The following ADK variants were observed in gnomAD, a reference collection of about 807,000 sequenced individuals.
The protein encoded by ADK is adenosine kinase, also known as N6,N6-dimethyladenosine kinase.
Under a neutral mutation model 44.7 loss-of-function variants are expected in ADK, and 24 were observed. That is an observed-to-expected ratio of 0.54 (90% CI 0.39 to 0.76). ADK has a LOEUF of 0.76. ADK is among the 30% of genes least tolerant of loss of function. The pLI is 0.00. For missense variants in ADK, 321 were observed against 425.1 expected, an observed-to-expected ratio of 0.76 and a Z score of 2.15; for synonymous variants, 128 against 142.6, an observed-to-expected ratio of 0.90 and a Z score of 0.73.
At position 74,667,931 on chromosome 10, in the gene ADK, A is replaced by G. The variant is rs1462113454; in HGVS notation, c.878-2252A>G. ...ATATTTATGCAGTCAAAAATGAATA[A>G]TTGTTTTCAAACGAGGAGCTCAAGG... is the stretch of plus-strand genomic sequence containing the variant. On this transcript the variant is annotated intron_variant, in intron 9 of 10. Transcript: ENST00000539909. Among the ~76,000 whole-genome samples the G allele has an allele frequency of 2.0e-5, 3 of 152,250 alleles. No individual in the cohort carries two copies. The East Asian group carries it at 5.8e-4, about 29-fold the overall frequency.
Position 74,302,101 on chromosome 10 carries a change from GTTTGTTTGT to G in ADK, c.195-12562_195-12554del, listed in dbSNP as rs1564642247. Among the ~76,000 whole-genome samples the G allele has an allele frequency of 4.0e-3, 47 of 11,690 alleles. 3 individuals are homozygous for G. The highest frequency in any genetic ancestry group is 8.5e-3 in the African/African-American group (30 of 3,528). 7.7% of individuals were successfully genotyped at this position (11,690 alleles called of 152,430 possible). ...TTCTTTTCTTTTCTGTTTTTTTTTT[GTTTGTTTGT>G]TTTTTTTTTTTTTTTTTTTTTTTTT... On this transcript the variant is annotated intron_variant, in intron 3 of 10. Transcript: ENST00000539909.
intron 3 of ADK, among the ~76,000 whole-genome samples, chr10:74,298,247 A>G (rs1166566798): frequency 6.6e-6 from 1 of 152,156 alleles, no homozygotes; most frequent in African/African-American, 2.4e-5. Context: ...TTTTTCATGC[A>G]CTCACTTTTT....
chr10:74,584,854 G>T (rs1254974993), intron 7 of ADK, among the ~76,000 whole-genome samples: 1 of 152,168 alleles, frequency 6.6e-6, no homozygotes, highest in Non-Finnish European at 1.5e-5. Context: ...AGAAATCATT[G>T]TGTTTCTATA....
At chr10:74,674,656 T>C (rs1382486015) in intron 10 of ADK, among the ~76,000 whole-genome samples, 3 of 151,834 alleles carry the variant, frequency 2.0e-5, no homozygotes, top group Admixed American at 6.6e-5. Context: ...CCGAAGCATG[T>C]GGATCACTTG....
chr10:74,408,991 G>A (rs1413860499), intron 6 of ADK, among the ~76,000 whole-genome samples: 1 of 152,082 alleles, frequency 6.6e-6, no homozygotes, highest in Non-Finnish European at 1.5e-5. Flanking sequence ...TTGATTTAGT[G>A]TCAAAATTCC....
At chr10:74,605,213 T>G (rs1400830004) in intron 9 of ADK, among the ~76,000 whole-genome samples, 1 of 152,210 alleles carries the variant, frequency 6.6e-6, no homozygotes, top group East Asian at 1.9e-4. Flanking sequence ...ACTTCCTCTC[T>G]TCCTATTTGA....
chr10:74,296,807 G>A (rs936590744), intron 3 of ADK, among the ~76,000 whole-genome samples: 9 of 151,804 alleles, frequency 5.9e-5, no homozygotes, highest in African/African-American at 1.9e-4. Flanking sequence ...GTAGAGACGG[G>A]GTTTCTCCGT....
intron 9 of ADK, among the ~76,000 whole-genome samples, chr10:74,603,887 T>A (rs930159698): frequency 6.6e-6 from 1 of 152,210 alleles, no homozygotes; most frequent in Non-Finnish European, 1.5e-5. Context: ...GCATTCCTGT[T>A]CCTCCACATC....
In ADK at chr10:74,525,276, C is replaced by T. The variant is rs1040523579; in HGVS notation, c.576C>T (p.Ser192=). Residue 192 remains serine, a synonymous_variant, in exon 7 of 11, where the codon TCC becomes TCT. Coordinates refer to ENST00000539909, the MANE Select transcript of ADK (RefSeq NM_006721.4). ...TCCAGGGCTTTTTTCTTACAGTTTCCCCAGAGTCAGTATTAAAGGTGGCTC... is the reference window on the plus strand; with the variant it reads ...TCCAGGGCTTTTTTCTTACAGTTTCTCCAGAGTCAGTATTAAAGGTGGCTC... The part of the protein sequence containing the change: ...CYIAGFFLTV[S]PESVLKVAHH... 1.9e-6 allele frequency: 3 copies of T among 1,613,526 alleles called. No individual in the cohort carries two copies. The highest frequency in any genetic ancestry group is 4.5e-5 in the East Asian group (2 of 44,802).
intron 9 of ADK, among the ~76,000 whole-genome samples, chr10:74,626,469 T>C (rs1008935851): frequency 2.0e-5 from 3 of 152,004 alleles, no homozygotes; most frequent in Non-Finnish European, 1.5e-5. Context: ...GCCTGGCTAA[T>C]TTTTTGTATT....
chr10:74,410,381 A>G (rs1844127283), intron 6 of ADK, among the ~76,000 whole-genome samples: 1 of 152,180 alleles, frequency 6.6e-6, no homozygotes, highest in African/African-American at 2.4e-5. Flanking sequence ...AAAAAAGGTA[A>G]GTATTATTTA....
chr10:74,626,170 T>G (rs1440066639), intron 9 of ADK, among the ~76,000 whole-genome samples: 1 of 152,168 alleles, frequency 6.6e-6, no homozygotes, highest in East Asian at 1.9e-4. Flanking sequence ...TAAATCCACA[T>G]AGAAGCAGCA....
intron 6 of ADK, among the ~76,000 whole-genome samples, chr10:74,452,299 G>A (rs933526062): frequency 2.6e-5 from 4 of 151,948 alleles, no homozygotes; most frequent in African/African-American, 9.7e-5. Context: ...AGCTTCTGTA[G>A]TACTAAATTT....
intron 6 of ADK, among the ~76,000 whole-genome samples, chr10:74,441,196 C>T (rs915965679): frequency 3.3e-5 from 5 of 152,288 alleles, no homozygotes; most frequent in Admixed American, 2.6e-4. Flanking sequence ...CTAATCTTAG[C>T]CATCAGACAG....
intron 9 of ADK, among the ~76,000 whole-genome samples, chr10:74,627,719 G>A (rs146058321): frequency 1.1e-3 from 168 of 152,042 alleles, no homozygotes; most frequent in African/African-American, 3.8e-3. Context: ...TGCAACCTCC[G>A]CCCCCTGGGT....
At chr10:74,209,048 T>C (rs1374123072) in intron 2 of ADK, among the ~76,000 whole-genome samples, 1 of 152,198 alleles carries the variant, frequency 6.6e-6, no homozygotes, top group Non-Finnish European at 1.5e-5. Flanking sequence ...AGATAAGTGG[T>C]ATATTGCTAT....
chr10:74,632,283 G>A (rs562560326), intron 9 of ADK, among the ~76,000 whole-genome samples: 96 of 152,276 alleles, frequency 6.3e-4, no homozygotes, highest in African/African-American at 2.2e-3. Context: ...GCATGTGTCA[G>A]TTTTTTACTT....
chr10:74,385,039 G>C (rs940243428), intron 4 of ADK, among the ~76,000 whole-genome samples: 3 of 152,308 alleles, frequency 2.0e-5, no homozygotes, highest in African/African-American at 7.2e-5. Flanking sequence ...TGGAGTGACA[G>C]AGAGAATGGG....
At chr10:74,702,117 G>C (rs1313802434) in intron 10 of ADK, among the ~76,000 whole-genome samples, 2 of 151,972 alleles carry the variant, frequency 1.3e-5, no homozygotes, top group African/African-American at 4.8e-5. Flanking sequence ...AGTTGCTTCA[G>C]TTAAAAATTA....
Sources: allele counts gnomAD v4.1 joint callset (sites outside exome capture counted in the v4.1 genomes callset), GRCh38; gene constraint gnomAD v4.1.1; transcripts MANE v1.5; gene names NCBI Gene and HGNC (gene_info 2026-07-23, HGNC 2026-07-21).